IQCH: variants seen among roughly 807,000 people sequenced by gnomAD.
IQCH encodes IQ motif containing H, also known as IQ domain-containing protein H.
IQCH carries 98 observed loss-of-function variants against 117.0 expected under a neutral mutation model. The observed-to-expected ratio is 0.84, with a 90% CI of 0.71 to 0.99. IQCH has a LOEUF of 0.99. Among genes scored for constraint, IQCH ranks in the 50% least tolerant of loss-of-function variants. The pLI is 0.00. For synonymous variants in IQCH, 412 were observed against 448.2 expected (o/e 0.92, Z 1.02); for missense variants, 1,102 against 1,243.8 (o/e 0.89, Z 1.72).
Position 67,366,494 on chromosome 15 carries a change from A to G in IQCH, c.754-5617A>G, listed in dbSNP as rs1970337957. On this transcript the variant is annotated intron_variant, in intron 8 of 20. Coordinates refer to ENST00000335894, the MANE Select transcript of IQCH (RefSeq NM_001031715.3). The surrounding 1 kb of genome is among the most constrained non-coding windows in gnomAD (Gnocchi z 4.4). ...TCAAAGGATGGGGATTTTTCTCCTCAGGAAGTGTTTCAGAGTTCAGGAAGA... is the reference window on the plus strand; with the variant it reads ...TCAAAGGATGGGGATTTTTCTCCTCGGGAAGTGTTTCAGAGTTCAGGAAGA... Among the ~76,000 whole-genome samples the G allele has an allele frequency of 6.6e-6, 1 of 152,212 alleles. No homozygotes were observed. Among genetic ancestry groups the G allele is most frequent in the Admixed American group, 6.5e-5 (1 of 15,274 alleles).
intron 4 of IQCH, 96 bp from the exon 5 acceptor site, chr15:67,336,879 A>G (rs996588879): frequency 2.0e-5 from 24 of 1,209,510 alleles, no homozygotes; most frequent in Admixed American, 6.6e-5. Flanking sequence ...TTAAAACTTA[A>G]TGCAACTATT....
chr15:67,415,483 C>T (rs566786380), intron 14 of IQCH, among the ~76,000 whole-genome samples: 1 of 152,266 alleles, frequency 6.6e-6, no homozygotes, highest in South Asian at 2.1e-4. Flanking sequence ...CCAAGATTTT[C>T]TGGATATTTC....
Position 67,344,116 on chromosome 15 carries a change from T to G in IQCH, c.562T>G (p.Phe188Val). 1 of 1,613,412 alleles carries G rather than the reference T, an allele frequency of 6.2e-7. No individual in the cohort carries two copies. Among genetic ancestry groups the G allele is most frequent in the South Asian group, 1.1e-5 (1 of 91,050 alleles). ...GATTCCACCAACAGCAAGGATTACC[T>G]TTCAGAATCCACCCATTACACCCAG... ...GLIPPTARIT[F>V]QNPPITPRAA... The change falls in exon 6 of 21, where the codon TTT (phenylalanine) becomes GTT (valine). Residue 188 changes from phenylalanine (F) to valine (V), a missense_variant. By Grantham distance (50) the Phe-to-Val change is conservative (BLOSUM62 -1). Around this residue, in one of 2 missense-constraint regions of IQCH, gnomAD observed 452 missense variants for 449.6 expected, o/e 1.01. Coordinates refer to ENST00000335894, the MANE Select transcript of IQCH (RefSeq NM_001031715.3).
intron 3 of IQCH, among the ~76,000 whole-genome samples, chr15:67,269,611 A>G (rs1393209564): frequency 6.6e-6 from 1 of 151,888 alleles, no homozygotes; most frequent in African/African-American, 2.4e-5. Context: ...TATTAAACCC[A>G]TTAATCAACC....
In IQCH at chr15:67,475,931, G is replaced by A. The variant is rs868004537; in HGVS notation, c.2799+113G>A. On this transcript the variant is annotated intron_variant, in intron 18 of 20. Transcript: ENST00000335894. This position sits in a 1 kb window ranked among gnomAD's most constrained non-coding sequence, Gnocchi z 5.7. ...GATATTCTTTAAATACCGGTTTGAC[G>A]TGTCTGTAGAGGAAGGCTGATTGCT... is the stretch of plus-strand genomic sequence containing the variant. The A allele has an allele frequency of 3.9e-4, 364 of 930,866 alleles. 2 individuals carry two copies. The Middle Eastern group carries it at 4.9e-3, about 12-fold the overall frequency. The allele number at this position is 930,866 out of a possible 1,614,324, so 57.7% of individuals were successfully genotyped here. A position where few individuals can be genotyped will look rare whatever the true frequency, so the allele number is the denominator to read the frequency against.
chr15:67,312,343 T>G (rs1186822907), intron 4 of IQCH, among the ~76,000 whole-genome samples: 1 of 152,132 alleles, frequency 6.6e-6, no homozygotes, highest in Non-Finnish European at 1.5e-5. Context: ...AAAACATTAT[T>G]CTGAGAAGGG....
intron 4 of IQCH, among the ~76,000 whole-genome samples, chr15:67,316,820 C>CT (rs1967870339): frequency 6.6e-6 from 1 of 152,170 alleles, no homozygotes. Flanking sequence ...ACGTAGCATT[C>CT]TTTATCCTTT....
At chr15:67,315,653 T>A (rs1441904174) in intron 4 of IQCH, among the ~76,000 whole-genome samples, 1 of 152,174 alleles carries the variant, frequency 6.6e-6, no homozygotes, top group Non-Finnish European at 1.5e-5. Flanking sequence ...CCTGTGTTCT[T>A]AATCATTGCC....
At position 67,413,645 on chromosome 15, in the gene IQCH, T is replaced by C. The variant is rs1449386400; in HGVS notation, c.2098-3286T>C. ...ACACTTTCAAAATAAAGAAATAAAT[T>C]AAACAGTTAATACCCCTCTCCTCTT... On this transcript the variant is annotated intron_variant, in intron 14 of 20. Coordinates refer to ENST00000335894, the MANE Select transcript of IQCH (RefSeq NM_001031715.3). The surrounding 1 kb of genome is among the most constrained non-coding windows in gnomAD (Gnocchi z 5.0). 6.6e-6 allele frequency: 1 copy of C among 152,126 alleles called. No individual in the cohort carries two copies. The highest frequency in any genetic ancestry group is 2.4e-5 in the African/African-American group (1 of 41,422). The allele number at this position is 152,126 out of a possible 1,614,324, so 9.4% of individuals were successfully genotyped here.
chr15:67,449,072 TTTG>T (rs1250672731), intron 16 of IQCH, among the ~76,000 whole-genome samples: 2 of 3,848 alleles, frequency 5.2e-4, no homozygotes, highest in African/African-American at 1.8e-3. Flanking sequence ...GATGGGGTTG[TTTG>T]TTTTTTTCTT....
rs902493513 is a variant in IQCH, at chr15:67,474,959, C to G, written c.2677-737C>G. 5.9e-5 allele frequency among the ~76,000 whole-genome samples: 9 copies of G among 152,096 alleles called. No homozygotes were observed. Among genetic ancestry groups the G allele is most frequent in the African/African-American group, 1.9e-4 (8 of 41,418 alleles). On this transcript the variant is annotated intron_variant, in intron 17 of 20. Coordinates refer to ENST00000335894, the MANE Select transcript of IQCH (RefSeq NM_001031715.3). The surrounding 1 kb of genome is among the most constrained non-coding windows in gnomAD (Gnocchi z 4.1). ...GTCTAATCAGGAGAAAAACATCAGACAAACTGAAATTGAGAGAGATTTCAC... is the reference window on the plus strand; with the variant it reads ...GTCTAATCAGGAGAAAAACATCAGAGAAACTGAAATTGAGAGAGATTTCAC...
chr15:67,270,096 A>G lies in IQCH; in HGVS notation c.269+6880A>G, dbSNP rs150869066. ...ATAGTGGGTATACTTTGCTGAATTC[A>G]TTAATCAGTTCTAACAGTTTTTGGT... On this transcript the variant is annotated intron_variant, in intron 3 of 20. Transcript: ENST00000335894. 6.8e-4 allele frequency among the ~76,000 whole-genome samples: 104 copies of G among 152,274 alleles called. 4 individuals carry two copies. In the East Asian group the frequency reaches 0.012, roughly 18 times the overall value.
At chr15:67,371,504 C>T (rs563424762) in intron 8 of IQCH, 57 of 1,592,268 alleles carry the variant, frequency 3.6e-5, no homozygotes, top group Middle Eastern at 3.4e-4. Flanking sequence ...TAAAAGAACA[C>T]GTGTCAAGAG....
chr15:67,269,022 T>TAA (rs34421114), intron 3 of IQCH, among the ~76,000 whole-genome samples: 74 of 138,684 alleles, frequency 5.3e-4, no homozygotes, highest in African/African-American at 1.2e-3. Context: ...GTACACTTGC[T>TAA]AAAAAAAAAA....
At chr15:67,354,538 T>G (rs1459215460) in intron 6 of IQCH, among the ~76,000 whole-genome samples, 1 of 152,158 alleles carries the variant, frequency 6.6e-6, no homozygotes, top group East Asian at 1.9e-4. Flanking sequence ...ACTTCTCGAT[T>G]AAAAGCAGAG....
At chr15:67,261,198 C>G in intron 1 of IQCH, 74 bp from the exon 2 acceptor site, 1 of 1,105,092 alleles carries the variant, frequency 9.0e-7, no homozygotes, top group Non-Finnish European at 1.2e-6. Context: ...CATTGCAAAC[C>G]TTTAAGATAA....
intron 4 of IQCH, among the ~76,000 whole-genome samples, chr15:67,329,411 C>T (rs1467140959): frequency 6.6e-6 from 1 of 151,934 alleles, no homozygotes; most frequent in Non-Finnish European, 1.5e-5. Context: ...TCATTAATTC[C>T]TCACAATAGC....
At chr15:67,285,361 GT>G (rs1433179707) in intron 4 of IQCH, among the ~76,000 whole-genome samples, 1 of 151,706 alleles carries the variant, frequency 6.6e-6, no homozygotes, top group Non-Finnish European at 1.5e-5. Flanking sequence ...CGGTTACATA[GT>G]TTGCGAAAAT....
intron 6 of IQCH, among the ~76,000 whole-genome samples, chr15:67,350,945 G>A (rs1186230768): frequency 6.6e-6 from 1 of 152,158 alleles, no homozygotes; most frequent in African/African-American, 2.4e-5. Flanking sequence ...GAATTCTAAG[G>A]AGATGGCCTG....
Sources: gnomAD v4.1 joint callset for allele counts (sites outside exome capture counted in the v4.1 genomes callset) on GRCh38, gnomAD v4.1.1 for gene constraint, gnomAD v4.1.1 regional missense constraint, Gnocchi (gnomAD v3.1) non-coding constraint, MANE v1.5 for transcripts, NCBI Gene and HGNC (gene_info 2026-07-23, HGNC 2026-07-21) for gene names.